AFG2A: variants seen among roughly 807,000 people sequenced by gnomAD.
The protein encoded by AFG2A is AAA ATPase AFG2A.
At chr4:122,931,340 A>G in the AFG2A span, among the ~76,000 whole-genome samples, 2 of 152,068 alleles carry the variant, frequency 1.3e-5, no homozygotes, top group Admixed American at 1.3e-4. Context: ...TCTCTCTTTT[A>G]TATGAATATA....
At chr4:122,984,977 C>T in the AFG2A span, among the ~76,000 whole-genome samples, 3 of 152,104 alleles carry the variant, frequency 2.0e-5, no homozygotes, top group East Asian at 5.8e-4. Context: ...CATAAAATGA[C>T]TTAGGGAGGG....
chr4:123,038,653 T>C, the AFG2A span, among the ~76,000 whole-genome samples: 3 of 152,238 alleles, frequency 2.0e-5, no homozygotes, highest in East Asian at 5.8e-4. Flanking sequence ...TAGGTAAGAT[T>C]CATCAGTACA....
the AFG2A span, among the ~76,000 whole-genome samples, chr4:123,165,151 T>G: frequency 6.6e-6 from 1 of 152,158 alleles, no homozygotes; most frequent in Non-Finnish European, 1.5e-5. Flanking sequence ...TCCCTTTATA[T>G]GAAATGTCCA....
chr4:123,284,183 G>A, the AFG2A span, among the ~76,000 whole-genome samples: 1 of 152,152 alleles, frequency 6.6e-6, no homozygotes, highest in Non-Finnish European at 1.5e-5. Flanking sequence ...GTTTTAAGGT[G>A]GGGGTTAGAT....
chr4:123,302,079 A>G, the AFG2A span, among the ~76,000 whole-genome samples: 1 of 152,164 alleles, frequency 6.6e-6, no homozygotes, highest in Non-Finnish European at 1.5e-5. Flanking sequence ...ATGAGGAAAC[A>G]TGGGGAATAT....
chr4:122,947,176 C>A, the AFG2A span: 1 of 1,463,914 alleles, frequency 6.8e-7, no homozygotes, highest in Non-Finnish European at 9.1e-7. Context: ...GTGTGCCTCT[C>A]ACTTTTTTTT....
chr4:123,109,556 A>C, the AFG2A span, among the ~76,000 whole-genome samples: 1 of 152,160 alleles, frequency 6.6e-6, no homozygotes, highest in Non-Finnish European at 1.5e-5. Context: ...TGAAGCAATA[A>C]TAATATTGAG....
chr4:123,303,335 A>T, the AFG2A span, among the ~76,000 whole-genome samples: 2 of 152,236 alleles, frequency 1.3e-5, no homozygotes, highest in African/African-American at 4.8e-5. Context: ...AGCCTGGGCA[A>T]CATTGCAAGA....
the AFG2A span, among the ~76,000 whole-genome samples, chr4:123,184,532 C>CTT: frequency 3.7e-3 from 331 of 89,244 alleles, 8 homozygotes; most frequent in Middle Eastern, 0.011. Flanking sequence ...ATGATCATTT[C>CTT]TTTTTTTTTT....
the AFG2A span, among the ~76,000 whole-genome samples, chr4:123,103,950 G>T: frequency 6.6e-6 from 1 of 152,094 alleles, no homozygotes; most frequent in Non-Finnish European, 1.5e-5. Flanking sequence ...TCAGTTCGGG[G>T]ATCTGAGGGA....
chr4:123,002,141 G>C, the AFG2A span, among the ~76,000 whole-genome samples: 3 of 151,694 alleles, frequency 2.0e-5, no homozygotes, highest in Non-Finnish European at 4.4e-5. Flanking sequence ...GCCTTTTTTT[G>C]TTTTCCATTT....
At chr4:123,209,067 T>G in the AFG2A span, among the ~76,000 whole-genome samples, 3 of 152,188 alleles carry the variant, frequency 2.0e-5, no homozygotes, top group Non-Finnish European at 4.4e-5. Context: ...GTATCCTTTG[T>G]GATATCTTTA....
the AFG2A span, among the ~76,000 whole-genome samples, chr4:123,224,889 T>C: frequency 1.3e-5 from 2 of 152,214 alleles, no homozygotes; most frequent in Admixed American, 6.5e-5. Flanking sequence ...CCTGACTTTA[T>C]AATGATCGCC....
At chr4:123,313,602 A>G in the AFG2A span, among the ~76,000 whole-genome samples, 1 of 152,250 alleles carries the variant, frequency 6.6e-6, no homozygotes, top group African/African-American at 2.4e-5. Context: ...TACAGTTAAG[A>G]GCAAATGCCC....
the AFG2A span, among the ~76,000 whole-genome samples, chr4:123,244,512 A>G: frequency 1.3e-5 from 2 of 152,192 alleles, no homozygotes. Context: ...GTGCCCGTTC[A>G]AGTTACATTG....
At chr4:123,075,166 G>A in the AFG2A span, among the ~76,000 whole-genome samples, 249 of 151,494 alleles carry the variant, frequency 1.6e-3, 4 homozygotes, top group African/African-American at 5.6e-3. Context: ...GGCTGGTCTC[G>A]AACTCCTGAC....
chr4:122,930,037 TGTAAA>T, the AFG2A span, among the ~76,000 whole-genome samples: 1 of 152,208 alleles, frequency 6.6e-6, no homozygotes, highest in Non-Finnish European at 1.5e-5. Context: ...ATTTTACAGT[TGTAAA>T]GAAAAGAGTA....
At chr4:122,970,684 C>A in the AFG2A span, among the ~76,000 whole-genome samples, 2 of 151,476 alleles carry the variant, frequency 1.3e-5, no homozygotes, top group South Asian at 4.2e-4. Context: ...ATAGGCTATA[C>A]CATATAGCCT....
chr4:123,106,550 C>G, the AFG2A span, among the ~76,000 whole-genome samples: 1 of 152,210 alleles, frequency 6.6e-6, no homozygotes, highest in African/African-American at 2.4e-5. Flanking sequence ...AAAATGTCAG[C>G]TTTATACTTC....
Sources: gnomAD v4.1 joint callset for allele counts (sites outside exome capture counted in the v4.1 genomes callset) on GRCh38, gnomAD v4.1.1 for gene constraint, MANE v1.5 for transcripts, NCBI Gene and HGNC (gene_info 2026-07-23, HGNC 2026-07-21) for gene names.